Variants in CALCOCO2 observed in about 807,000 individuals in gnomAD.
CALCOCO2 encodes the protein calcium-binding and coiled-coil domain-containing protein 2.
A neutral mutation model predicts 62.5 loss-of-function variants in CALCOCO2; 42 were observed. The observed-to-expected ratio is 0.67, with a 90% CI of 0.53 to 0.87. The LOEUF is 0.87. Among genes scored for constraint, CALCOCO2 ranks in the 40% least tolerant of loss-of-function variants. CALCOCO2 has a pLI of 0.00. For missense variants in CALCOCO2, 456 were observed against 515.0 expected, an observed-to-expected ratio of 0.89 and a Z score of 1.11; for synonymous variants, 167 against 173.0, an observed-to-expected ratio of 0.97 and a Z score of 0.27.
chr17:48,836,592 G>A (rs544791992), intron 1 of CALCOCO2, among the ~76,000 whole-genome samples: 2 of 152,184 alleles, frequency 1.3e-5, no homozygotes, highest in African/African-American at 4.8e-5. Context: ...TGTTGTGAAG[G>A]AAAAGAAATG....
At chr17:48,851,207 A>T (rs1233003850) in intron 6 of CALCOCO2, 30 bp downstream of exon 6, 3 of 1,277,338 alleles carry the variant, frequency 2.3e-6, no homozygotes, top group Non-Finnish European at 3.4e-6. Context: ...CTGGGAGGGG[A>T]AGAGCTGCTG....
chr17:48,861,916 G>T (rs933938884), intron 11 of CALCOCO2, among the ~76,000 whole-genome samples: 1 of 151,550 alleles, frequency 6.6e-6, no homozygotes, highest in Non-Finnish European at 1.5e-5. Context: ...AGGCATGGTG[G>T]TAGGCACCTG....
At chr17:48,858,059 T>TAGAATAG (rs2040267275) in intron 10 of CALCOCO2, among the ~76,000 whole-genome samples, 1 of 136,896 alleles carries the variant, frequency 7.3e-6, no homozygotes, top group Admixed American at 7.6e-5. Context: ...TAGAATAGAA[T>TAGAATAG]AGAATAGAAT....
At chr17:48,853,049 C>G (rs184769672) in intron 9 of CALCOCO2, 37 bp downstream of exon 9, 1 of 1,390,472 alleles carries the variant, frequency 7.2e-7, no homozygotes, top group Non-Finnish European at 1.0e-6. Flanking sequence ...GGGAGGGAGC[C>G]TATAGGGATG....
At chr17:48,849,676 T>A (rs1257422836) in intron 5 of CALCOCO2, among the ~76,000 whole-genome samples, 1 of 151,906 alleles carries the variant, frequency 6.6e-6, no homozygotes, top group African/African-American at 2.4e-5. Flanking sequence ...CAGCCAATTT[T>A]TATATTTTTT....
At chr17:48,832,158 C>G (rs1415352715) in intron 1 of CALCOCO2, among the ~76,000 whole-genome samples, 2 of 152,210 alleles carry the variant, frequency 1.3e-5, no homozygotes, top group African/African-American at 4.8e-5. Flanking sequence ...TTTGGGAGGC[C>G]CAGGCGGGCA....
At chr17:48,846,445 A>G in intron 2 of CALCOCO2, 3 of 1,402,342 alleles carry the variant, frequency 2.1e-6, no homozygotes, top group Non-Finnish European at 2.9e-6. Flanking sequence ...TGACTTAGGC[A>G]TTTAAATGTT....
At chr17:48,839,670 CTTTTTTTTTT>C (rs766846336) in intron 1 of CALCOCO2, among the ~76,000 whole-genome samples, 1 of 66,172 alleles carries the variant, frequency 1.5e-5, no homozygotes, top group Non-Finnish European at 2.7e-5. Flanking sequence ...CTTTGCTTTG[CTTTTTTTTTT>C]TTTTTTTTTT....
chr17:48,862,226 G>A, intron 11 of CALCOCO2, 50 bp from the exon 12 acceptor site: 1 of 1,229,792 alleles, frequency 8.1e-7, no homozygotes. Flanking sequence ...AGTTGGAGAA[G>A]CTAGGGATGG....
intron 1 of CALCOCO2, among the ~76,000 whole-genome samples, chr17:48,837,769 T>C (rs2039914033): frequency 1.3e-5 from 2 of 152,188 alleles, no homozygotes; most frequent in Admixed American, 6.6e-5. Flanking sequence ...ATAGACAGTT[T>C]AGTGCTCCAA....
intron 11 of CALCOCO2, among the ~76,000 whole-genome samples, 166 bp from the exon 12 acceptor site, chr17:48,862,110 A>C (rs2040337231): frequency 6.6e-6 from 1 of 152,070 alleles, no homozygotes; most frequent in Admixed American, 6.6e-5. Flanking sequence ...TCATTGACCT[A>C]GATCCCCTCT....
At chr17:48,854,499 G>A (rs565094566) in intron 9 of CALCOCO2, among the ~76,000 whole-genome samples, 84 of 127,032 alleles carry the variant, frequency 6.6e-4, no homozygotes, top group Admixed American at 1.2e-3. Context: ...TCCACCTCCC[G>A]GGCTCAAGCT....
intron 9 of CALCOCO2, among the ~76,000 whole-genome samples, chr17:48,855,507 A>T (rs994108646): frequency 2.0e-5 from 3 of 152,178 alleles, no homozygotes; most frequent in African/African-American, 7.2e-5. Flanking sequence ...TGCAGGTAGA[A>T]GATGGGAAGC....
intron 5 of CALCOCO2, among the ~76,000 whole-genome samples, chr17:48,850,793 C>T (rs1031169428): frequency 1.5e-4 from 23 of 151,970 alleles, no homozygotes; most frequent in African/African-American, 5.6e-4. Flanking sequence ...TGGCTCATGC[C>T]TGTAATCCCA....
chr17:48,833,954 C>T (rs1026258811), intron 1 of CALCOCO2, among the ~76,000 whole-genome samples: 10 of 151,996 alleles, frequency 6.6e-5, no homozygotes, highest in Non-Finnish European at 1.5e-4. Context: ...CATGGTGAAA[C>T]CCTGTCTCTA....
chr17:48,850,917 TA>T (rs35936083), intron 5 of CALCOCO2, 171 bp from the exon 6 acceptor site: 28,478 of 354,134 alleles, frequency 0.08, 87 homozygotes, highest in Middle Eastern at 0.091. Flanking sequence ...GACACTGTCT[TA>T]AAAAAAAAAA....
chr17:48,834,836 C>G (rs1294770964), intron 1 of CALCOCO2, among the ~76,000 whole-genome samples: 1 of 152,112 alleles, frequency 6.6e-6, no homozygotes, highest in Non-Finnish European at 1.5e-5. Context: ...TTGCTTGAGT[C>G]CAGGAATTCA....
Position 48,863,840 on chromosome 17 carries a change from G to A in CALCOCO2, c.*835G>A, listed in dbSNP as rs1338780917. 1.3e-5 allele frequency: 2 copies of A among 151,968 alleles called. No individual in the cohort carries two copies. Among genetic ancestry groups the A allele is most frequent in the Non-Finnish European group, 2.9e-5 (2 of 68,004 alleles). 9.4% of individuals were successfully genotyped at this position (151,968 alleles called of 1,614,324 possible). ...AAAATAAATTACTCTTCTATTTCAG[G>A]GACTTAGGTAATTTAAAATAAACCT... On this transcript the variant is annotated 3_prime_UTR_variant, in exon 13 of 13. Coordinates refer to ENST00000258947, the MANE Select transcript of CALCOCO2 (RefSeq NM_005831.5).
At chr17:48,852,749 G>T in intron 8 of CALCOCO2, 121 bp downstream of exon 8, 1 of 1,079,652 alleles carries the variant, frequency 9.3e-7, no homozygotes, top group Non-Finnish European at 1.4e-6. Flanking sequence ...TTAGGAAAGG[G>T]CTCAGAGGAA....
Sources: gnomAD v4.1 joint callset for allele counts (sites outside exome capture counted in the v4.1 genomes callset) on GRCh38, gnomAD v4.1.1 for gene constraint, MANE v1.5 for transcripts, NCBI Gene and HGNC (gene_info 2026-07-23, HGNC 2026-07-21) for gene names.